The following DPY19L2 variants were observed in gnomAD, a reference collection of about 807,000 sequenced individuals.
DPY19L2 encodes the protein dpy-19 like 2, also known as probable C-mannosyltransferase DPY19L2.
DPY19L2 carries 34 observed loss-of-function variants against 97.9 expected under a neutral mutation model. That is an observed-to-expected ratio of 0.35 (90% CI 0.26 to 0.46). The LOEUF is 0.46. DPY19L2 is among the 20% of genes least tolerant of loss of function. DPY19L2 has a pLI of 1.00. For missense variants in DPY19L2, 623 were observed against 911.4 expected (o/e 0.68, Z 4.07); for synonymous variants, 230 against 307.9 (o/e 0.75, Z 2.65).
intron 16 of DPY19L2, among the ~76,000 whole-genome samples, chr12:63,591,966 GAAAAGA>G (rs1883022966): frequency 2.9e-5 from 3 of 103,128 alleles, no homozygotes; most frequent in Non-Finnish European, 5.6e-5. Context: ...GAAAAGAAAA[GAAAAGA>G]AAAGAGGGGA....
chr12:63,562,070 T>C (rs1876642394), intron 21 of DPY19L2, among the ~76,000 whole-genome samples: 1 of 152,166 alleles, frequency 6.6e-6, no homozygotes, highest in Non-Finnish European at 1.5e-5. Context: ...TTGTATATTA[T>C]GGGTAAAAGT....
At chr12:63,595,662 T>A (rs1261738479) in intron 15 of DPY19L2, among the ~76,000 whole-genome samples, 2 of 152,118 alleles carry the variant, frequency 1.3e-5, no homozygotes, top group Admixed American at 1.3e-4. Context: ...CCACCCCCAA[T>A]AATCCAGGAT....
At chr12:63,579,203 G>C (rs912579317) in intron 19 of DPY19L2, among the ~76,000 whole-genome samples, 3 of 152,144 alleles carry the variant, frequency 2.0e-5, no homozygotes, top group Non-Finnish European at 4.4e-5. Flanking sequence ...ATACAGATTA[G>C]AAAAAGGTAT....
chr12:63,579,508 G>A (rs987690033), intron 19 of DPY19L2, among the ~76,000 whole-genome samples: 2 of 152,160 alleles, frequency 1.3e-5, no homozygotes, highest in African/African-American at 4.8e-5. Context: ...GGGGTTTGTG[G>A]CAGTTATCTT....
intron 11 of DPY19L2, among the ~76,000 whole-genome samples, chr12:63,614,006 A>G (rs754304918): frequency 2.0e-5 from 3 of 151,986 alleles, no homozygotes; most frequent in Non-Finnish European, 2.9e-5. Flanking sequence ...CCTGGCCAAC[A>G]TGGTGACACC....
intron 1 of DPY19L2, chr12:63,666,524 CTG>C (rs937913956): frequency 9.0e-6 from 4 of 446,736 alleles, no homozygotes; most frequent in African/African-American, 8.1e-5. Flanking sequence ...CAAACGCAGC[CTG>C]TGCCCGTTTG....
intron 9 of DPY19L2, among the ~76,000 whole-genome samples, chr12:63,619,552 C>A (rs1888354091): frequency 6.6e-6 from 1 of 151,560 alleles, no homozygotes; most frequent in Non-Finnish European, 1.5e-5. Context: ...CACTCTGTCA[C>A]CCAGGCTGGA....
intron 6 of DPY19L2, among the ~76,000 whole-genome samples, chr12:63,632,770 A>C (rs1459754602): frequency 6.6e-6 from 1 of 152,138 alleles, no homozygotes; most frequent in South Asian, 2.1e-4. Context: ...AATCCTAAGC[A>C]AAAAGAACAA....
chr12:63,620,204 T>C (rs1398724813), intron 9 of DPY19L2: 6 of 295,256 alleles, frequency 2.0e-5, no homozygotes, highest in Admixed American at 1.4e-4. Flanking sequence ...TTCAGTTTCT[T>C]GTTACTAGTT....
In DPY19L2 at chr12:63,576,394, T is replaced by C. The variant is rs1879828655; in HGVS notation, c.1900+4268A>G. 1.3e-5 allele frequency among the ~76,000 whole-genome samples: 2 copies of C among 151,976 alleles called. 1 individual carries two copies. The highest frequency in any genetic ancestry group is 2.9e-5 in the Non-Finnish European group (2 of 67,882). On this transcript the variant is annotated intron_variant, in intron 19 of 21. Transcript: ENST00000324472. ...TCTAAGACCTGGGACATGACAAGGA[T>C]GCTCACTTTTTACCACATTATTCAA...
chr12:63,591,615 C>T (rs921151278), intron 16 of DPY19L2, among the ~76,000 whole-genome samples: 4 of 151,962 alleles, frequency 2.6e-5, no homozygotes, highest in Admixed American at 2.0e-4. Flanking sequence ...ATGCTAGTGA[C>T]ATTACTAAAA....
chr12:63,598,065 A>G (rs1441132325), intron 13 of DPY19L2, among the ~76,000 whole-genome samples, 155 bp from the exon 14 acceptor site: 1 of 152,026 alleles, frequency 6.6e-6, no homozygotes, highest in African/African-American at 2.4e-5. Context: ...ACTACAGTGA[A>G]CCAAATATAC....
intron 6 of DPY19L2, among the ~76,000 whole-genome samples, chr12:63,629,442 G>C (rs1310104931): frequency 6.6e-6 from 1 of 152,122 alleles, no homozygotes; most frequent in Admixed American, 6.5e-5. Context: ...TAGCCAATTC[G>C]ATCAACTGGA....
chr12:63,636,301 C>A (rs551064799), intron 6 of DPY19L2, among the ~76,000 whole-genome samples: 1 of 152,116 alleles, frequency 6.6e-6, no homozygotes. Flanking sequence ...AAGGAACAAC[C>A]GATACCAGCC....
chr12:63,582,703 G>T (rs558252987), intron 17 of DPY19L2, among the ~76,000 whole-genome samples, 178 bp from the exon 18 acceptor site: 18 of 152,086 alleles, frequency 1.2e-4, no homozygotes, highest in African/African-American at 4.1e-4. Flanking sequence ...TACTCTTCTG[G>T]GTGCTTCGGA....
intron 6 of DPY19L2, among the ~76,000 whole-genome samples, chr12:63,630,600 T>C (rs1186970501): frequency 6.6e-6 from 1 of 151,832 alleles, no homozygotes; most frequent in Non-Finnish European, 1.5e-5. Context: ...AGACTTAGAC[T>C]CCCACACAAT....
intron 18 of DPY19L2, among the ~76,000 whole-genome samples, chr12:63,581,297 G>A (rs975760613): frequency 6.6e-6 from 1 of 151,962 alleles, no homozygotes; most frequent in African/African-American, 2.4e-5. Context: ...GTTTGTAGAA[G>A]TACCTTAGGC....
Position 63,663,754 on chromosome 12 carries a change from T to C in DPY19L2, c.450+4A>G. ...AATTAATTCATTAGAAGAAGAAACC[T>C]AACCATTTCAGTGCGAAAAGTCATC... On this transcript the variant is annotated splice_donor_region_variant and intron_variant, in intron 3 of 21. Transcript: ENST00000324472. 4 of 1,597,486 alleles carry C rather than the reference T, an allele frequency of 2.5e-6. No individual in the cohort carries two copies. The highest frequency in any genetic ancestry group is 3.4e-6 in the Non-Finnish European group (4 of 1,174,894).
chr12:63,561,288 T>C (rs541661775), intron 21 of DPY19L2, among the ~76,000 whole-genome samples: 111 of 152,278 alleles, frequency 7.3e-4, no homozygotes, highest in African/African-American at 2.6e-3. Context: ...ATAAGTTATA[T>C]AAACAATAAA....
Sources: allele counts gnomAD v4.1 joint callset (sites outside exome capture counted in the v4.1 genomes callset), GRCh38; gene constraint gnomAD v4.1.1; transcripts MANE v1.5; gene names NCBI Gene and HGNC (gene_info 2026-07-23, HGNC 2026-07-21).